Variants in STK32B observed in about 807,000 individuals in gnomAD.
STK32B encodes the protein serine/threonine-protein kinase 32B.
Under a neutral mutation model 52.6 loss-of-function variants are expected in STK32B, and 43 were observed. The ratio of observed to expected loss-of-function variants is 0.82; its 90% CI spans 0.64 to 1.05. The LOEUF (loss-of-function observed/expected upper bound fraction) is 1.05. Among genes scored for constraint, STK32B ranks in the 50% least tolerant of loss-of-function variants. The pLI is 0.00. For synonymous variants in STK32B, 238 were observed against 204.3 expected (o/e 1.17, Z -1.41); for missense variants, 621 against 534.6 (o/e 1.16, Z -1.59).
At chr4:5,391,048 T>C (rs1280044012) in intron 4 of STK32B, among the ~76,000 whole-genome samples, 1 of 148,572 alleles carries the variant, frequency 6.7e-6, no homozygotes, top group Non-Finnish European at 1.5e-5. Context: ...TCACTCTGCC[T>C]CCTAGGTTCA....
the STK32B span, among the ~76,000 whole-genome samples, chr4:5,025,268 A>T: frequency 1.3e-5 from 2 of 152,076 alleles, no homozygotes; most frequent in Admixed American, 1.3e-4. Context: ...CCACCTCCAC[A>T]TCTATGCTGG....
rs73794558 is a variant in STK32B, at chr4:5,324,535, A to T, written c.261-6685A>T. ...TTAAGCAGGGTTTTTCAACCTCAGC[A>T]CTGTTGCCATTTTGCAGTAGGTGAT... On this transcript the variant is annotated intron_variant, in intron 3 of 11. Coordinates refer to ENST00000282908, the MANE Select transcript of STK32B (RefSeq NM_018401.3). 6.1e-3 allele frequency among the ~76,000 whole-genome samples: 923 copies of T among 152,264 alleles called. 19 individuals carry two copies. Among genetic ancestry groups the T allele is most frequent in the African/African-American group, 0.014 (596 of 41,532 alleles).
chr4:5,160,523 C>T (rs937080912), intron 2 of STK32B, among the ~76,000 whole-genome samples: 21 of 152,226 alleles, frequency 1.4e-4, no homozygotes, highest in African/African-American at 5.1e-4. Flanking sequence ...TGCTAAGGTT[C>T]AGGTGCTACC....
the STK32B span, among the ~76,000 whole-genome samples, chr4:5,021,473 C>T: frequency 1.3e-5 from 2 of 152,170 alleles, no homozygotes; most frequent in Admixed American, 6.5e-5. Flanking sequence ...ATGGGCCTCC[C>T]TGGCAGAATA....
At chr4:5,170,377 T>C (rs1264701232) in intron 3 of STK32B, among the ~76,000 whole-genome samples, 2 of 152,220 alleles carry the variant, frequency 1.3e-5, no homozygotes, top group Non-Finnish European at 2.9e-5. Context: ...GTTACATATG[T>C]ATACATGTGA....
At chr4:5,478,089 G>A (rs1413028679) in intron 11 of STK32B, among the ~76,000 whole-genome samples, 1 of 152,144 alleles carries the variant, frequency 6.6e-6, no homozygotes, top group Non-Finnish European at 1.5e-5. Flanking sequence ...TTCTGCATCT[G>A]AACTCTCAAC....
At chr4:5,217,742 G>A (rs1723267470) in intron 3 of STK32B, among the ~76,000 whole-genome samples, 1 of 152,156 alleles carries the variant, frequency 6.6e-6, no homozygotes, top group Admixed American at 6.5e-5. Flanking sequence ...AAGAACATTT[G>A]TCAGAGTCCC....
At chr4:5,227,101 C>T (rs112980971) in intron 3 of STK32B, among the ~76,000 whole-genome samples, 1 of 152,092 alleles carries the variant, frequency 6.6e-6, no homozygotes, top group Non-Finnish European at 1.5e-5. Context: ...TGAAGAAAAC[C>T]TAACTTCTGA....
intron 3 of STK32B, among the ~76,000 whole-genome samples, chr4:5,248,337 A>T (rs1215845817): frequency 6.6e-6 from 1 of 152,238 alleles, no homozygotes; most frequent in Non-Finnish European, 1.5e-5. Context: ...TGCCCCAAGG[A>T]TAGCTGTTTA....
At chr4:5,200,070 A>G (rs1182148971) in intron 3 of STK32B, among the ~76,000 whole-genome samples, 1 of 152,178 alleles carries the variant, frequency 6.6e-6, no homozygotes, top group Non-Finnish European at 1.5e-5. Flanking sequence ...TGGGGTCACT[A>G]GCTGCCAGGC....
chr4:5,315,860 A>T (rs1730642041), intron 3 of STK32B, among the ~76,000 whole-genome samples: 1 of 150,638 alleles, frequency 6.6e-6, no homozygotes, highest in Non-Finnish European at 1.5e-5. Flanking sequence ...GCATGCCACC[A>T]CGCCCAGCTA....
chr4:5,145,826 A>G (rs1311059966), intron 2 of STK32B, among the ~76,000 whole-genome samples: 4 of 152,136 alleles, frequency 2.6e-5, no homozygotes, highest in African/African-American at 9.7e-5. Context: ...TTGATACATG[A>G]AAGTTTTCTA....
chr4:5,322,852 G>A (rs6853980), intron 3 of STK32B, among the ~76,000 whole-genome samples: 52,403 of 152,026 alleles, frequency 0.34, 13,478 homozygotes, highest in African/African-American at 0.72. Context: ...AACAGGCACT[G>A]CCTCCCTCAT....
chr4:5,169,193 G>A (rs914058861), intron 3 of STK32B, among the ~76,000 whole-genome samples: 1 of 152,124 alleles, frequency 6.6e-6, no homozygotes, highest in African/African-American at 2.4e-5. Context: ...TTGACCTAAT[G>A]CCATCTTTAT....
chr4:5,415,003 G>C (rs1712040100), intron 5 of STK32B, among the ~76,000 whole-genome samples: 2 of 152,212 alleles, frequency 1.3e-5, no homozygotes, highest in Non-Finnish European at 2.9e-5. Flanking sequence ...CTGTGTGGGT[G>C]TGGGGTACAG....
rs182640427 is a variant in STK32B, at chr4:5,191,883, C to T, written c.260+23433C>T. 2.0e-5 allele frequency among the ~76,000 whole-genome samples: 3 copies of T among 152,368 alleles called. No homozygotes were observed. In the East Asian group the frequency reaches 5.8e-4, roughly 29 times the overall value. On this transcript the variant is annotated intron_variant, in intron 3 of 11. Coordinates refer to ENST00000282908, the MANE Select transcript of STK32B (RefSeq NM_018401.3). ...TCCTATTCCAAATCCATATTAACTA[C>T]TGTGCTCCCAGGTCCATGACCGGCA...
the STK32B span, among the ~76,000 whole-genome samples, chr4:5,041,673 A>G: frequency 2.8e-4 from 43 of 152,264 alleles, no homozygotes; most frequent in African/African-American, 1.0e-3. Context: ...CTTAACAATA[A>G]AAGACTGCTC....
At chr4:5,226,725 A>G (rs1011775928) in intron 3 of STK32B, among the ~76,000 whole-genome samples, 2 of 152,240 alleles carry the variant, frequency 1.3e-5, no homozygotes, top group African/African-American at 4.8e-5. Context: ...GAAGCCAAAT[A>G]TATGCCAAAG....
intron 4 of STK32B, among the ~76,000 whole-genome samples, chr4:5,364,537 T>A (rs1022932406): frequency 1.6e-4 from 24 of 152,136 alleles, no homozygotes; most frequent in African/African-American, 5.8e-4. Flanking sequence ...AAGAGAAGAC[T>A]CTGATTGGTT....
Sources: gnomAD v4.1 joint callset for allele counts (sites outside exome capture counted in the v4.1 genomes callset) on GRCh38, gnomAD v4.1.1 for gene constraint, MANE v1.5 for transcripts, NCBI Gene and HGNC (gene_info 2026-07-23, HGNC 2026-07-21) for gene names.